PACRG: variants seen among roughly 807,000 people sequenced by gnomAD.
PACRG encodes parkin coregulated.
Under a neutral mutation model 29.7 loss-of-function variants are expected in PACRG, and 29 were observed. The ratio of observed to expected loss-of-function variants is 0.98; its 90% CI spans 0.73 to 1.33. The LOEUF (loss-of-function observed/expected upper bound fraction) is 1.33, where lower values mean the gene tolerates loss of function less well. PACRG is among the 40% of genes most tolerant of loss of function. The pLI is 0.00. For missense variants in PACRG, 279 were observed against 316.2 expected (o/e 0.88, Z 0.89); for synonymous variants, 116 against 118.7 (o/e 0.98, Z 0.15).
rs79841965 is a variant in PACRG at position 162,836,629 on chromosome 6, T to C, written c.291+22348T>C. On this transcript the variant is annotated intron_variant, in intron 2 of 4. Coordinates refer to ENST00000366888, the MANE Select transcript of PACRG (RefSeq NM_001080379.2). ...AGTTCCATTATCTTTTGCTTCTCTC[T>C]GCTTCATTTCCCTCGATTTGATTAT... is the stretch of plus-strand genomic sequence containing the variant. Among the ~76,000 whole-genome samples, 642 of 152,290 alleles carry C rather than the reference T, an allele frequency of 4.2e-3. 2 individuals carry two copies. The highest frequency in any genetic ancestry group is 0.015 in the African/African-American group (608 of 41,568).
At chr6:162,974,858 G>A (rs117943410) in intron 2 of PACRG, among the ~76,000 whole-genome samples, 164 of 152,254 alleles carry the variant, frequency 1.1e-3, no homozygotes, top group Non-Finnish European at 1.9e-3. Flanking sequence ...CTTGAACCTG[G>A]CAATCCTTCT....
At chr6:163,241,574 T>C (rs559218914) in intron 4 of PACRG, among the ~76,000 whole-genome samples, 1 of 152,288 alleles carries the variant, frequency 6.6e-6, no homozygotes, top group African/African-American at 2.4e-5. Context: ...AGGGCTGAGC[T>C]GGCAGCTGAA....
intron 1 of PACRG, among the ~76,000 whole-genome samples, chr6:162,784,059 T>G (rs1333956): frequency 0.19 from 28,146 of 152,134 alleles, 3,188 homozygotes; most frequent in East Asian, 0.47. Context: ...CTTTACAGAT[T>G]AATTAGGAGA....
chr6:163,201,680 C>T (rs981026424), intron 4 of PACRG, among the ~76,000 whole-genome samples: 6 of 152,234 alleles, frequency 3.9e-5, no homozygotes, highest in South Asian at 2.1e-4. Context: ...CAGGATGCAG[C>T]GTAAGAACCT....
At chr6:163,209,053 GGC>G (rs1781027653) in intron 4 of PACRG, among the ~76,000 whole-genome samples, 1 of 152,136 alleles carries the variant, frequency 6.6e-6, no homozygotes, top group Admixed American at 6.5e-5. Context: ...TCTATAGGCT[GGC>G]ACTCACATTC....
intron 4 of PACRG, among the ~76,000 whole-genome samples, chr6:163,252,193 A>G (rs1302820657): frequency 6.6e-6 from 1 of 152,218 alleles, no homozygotes; most frequent in African/African-American, 2.4e-5. Flanking sequence ...GAGCCAAGAG[A>G]CAGGCCTGGT....
chr6:162,925,104 A>G (rs1797336982), intron 2 of PACRG, among the ~76,000 whole-genome samples: 1 of 152,180 alleles, frequency 6.6e-6, no homozygotes, highest in Non-Finnish European at 1.5e-5. Context: ...CCCTCCCAAG[A>G]CTAAACCAGG....
intron 2 of PACRG, among the ~76,000 whole-genome samples, chr6:162,911,112 T>G (rs1244283428): frequency 6.6e-6 from 1 of 152,252 alleles, no homozygotes; most frequent in Non-Finnish European, 1.5e-5. Flanking sequence ...TCGATATCAA[T>G]TTGTTTTCAT....
chr6:163,309,189 C>CA (rs1785309108), intron 4 of PACRG, among the ~76,000 whole-genome samples: 1 of 152,218 alleles, frequency 6.6e-6, no homozygotes, highest in Non-Finnish European at 1.5e-5. Flanking sequence ...GCCATGTGTG[C>CA]AAAGTGGCTA....
chr6:162,858,303 G>A (rs189812893), intron 2 of PACRG, among the ~76,000 whole-genome samples: 12 of 152,160 alleles, frequency 7.9e-5, no homozygotes, highest in African/African-American at 1.9e-4. Flanking sequence ...TAGAGAAGGC[G>A]GAAGTGCCAC....
intron 1 of PACRG, among the ~76,000 whole-genome samples, chr6:162,778,939 C>T (rs573541617): frequency 3.3e-5 from 5 of 152,272 alleles, no homozygotes; most frequent in East Asian, 3.9e-4. Context: ...CATAGGTAAA[C>T]GTGTGCCATG....
chr6:162,871,791 G>T (rs1031027100), intron 2 of PACRG, among the ~76,000 whole-genome samples: 1 of 151,948 alleles, frequency 6.6e-6, no homozygotes, highest in African/African-American at 2.4e-5. Flanking sequence ...GGTAGCAGGC[G>T]CCTGTAGTCC....
chr6:163,128,642 A>T (rs1324870445), intron 4 of PACRG, among the ~76,000 whole-genome samples: 3 of 152,230 alleles, frequency 2.0e-5, no homozygotes, highest in Non-Finnish European at 4.4e-5. Flanking sequence ...TTCACACAGA[A>T]TTGTGCCTGA....
At chr6:163,258,336 G>C (rs1303449626) in intron 4 of PACRG, among the ~76,000 whole-genome samples, 1 of 152,046 alleles carries the variant, frequency 6.6e-6, no homozygotes, top group African/African-American at 2.4e-5. Flanking sequence ...TTCTTGCATT[G>C]TGGAATATAC....
chr6:163,167,982 A>G (rs1193123557), intron 4 of PACRG, among the ~76,000 whole-genome samples: 5 of 152,246 alleles, frequency 3.3e-5, no homozygotes, highest in Non-Finnish European at 7.3e-5. Context: ...TTCCAATTGA[A>G]CATAGTATTT....
intron 4 of PACRG, among the ~76,000 whole-genome samples, chr6:163,126,064 C>T (rs1816501702): frequency 6.6e-6 from 1 of 152,124 alleles, no homozygotes; most frequent in Non-Finnish European, 1.5e-5. Flanking sequence ...TGTGTATATA[C>T]ATACAAAAAC....
chr6:162,867,112 T>C (rs910434251), intron 2 of PACRG, among the ~76,000 whole-genome samples: 3 of 152,122 alleles, frequency 2.0e-5, no homozygotes, highest in Non-Finnish European at 4.4e-5. Flanking sequence ...CACTGTGAAG[T>C]TACCTTTGCC....
At position 162,899,788 on chromosome 6, in the gene PACRG, C is replaced by T. The variant is rs1459134559; in HGVS notation, c.291+85507C>T. 7.2e-5 allele frequency among the ~76,000 whole-genome samples: 11 copies of T among 152,172 alleles called. No individual in the cohort carries two copies. In the East Asian group the frequency reaches 1.9e-3, roughly 27 times the overall value. On this transcript the variant is annotated intron_variant, in intron 2 of 4. Transcript: ENST00000366888. ...TTCACATTGTGAAACCTTGTTGCCC[C>T]GGGGAGGATAAGAAAAAGCAGCTTA...
chr6:163,049,096 G>A (rs546769), intron 2 of PACRG, among the ~76,000 whole-genome samples: 63,717 of 151,796 alleles, frequency 0.42, 14,590 homozygotes, highest in East Asian at 0.7. Context: ...GTAATGTAAA[G>A]GGACCAGCCT....
Sources: gnomAD v4.1 joint callset for allele counts (sites outside exome capture counted in the v4.1 genomes callset) on GRCh38, gnomAD v4.1.1 for gene constraint, MANE v1.5 for transcripts, NCBI Gene and HGNC (gene_info 2026-07-23, HGNC 2026-07-21) for gene names.